Variants in CSF1R observed in about 807,000 individuals in gnomAD.
CSF1R encodes the protein colony stimulating factor 1 receptor.
Under a neutral mutation model 110.0 loss-of-function variants are expected in CSF1R, and 40 were observed. The observed-to-expected ratio is 0.36, with a 90% confidence interval of 0.28 to 0.47. CSF1R has a LOEUF of 0.47. Among genes scored for constraint, CSF1R ranks in the 20% least tolerant of loss-of-function variants. CSF1R has a pLI of 0.99. For missense variants in CSF1R, 1,052 were observed against 1,253.0 expected, an observed-to-expected ratio of 0.84 and a Z score of 2.42; for synonymous variants, 523 against 503.4, an observed-to-expected ratio of 1.04 and a Z score of -0.52.
At chr5:150,110,213 G>A (rs1178895771) in intron 1 of CSF1R, among the ~76,000 whole-genome samples, 1 of 151,996 alleles carries the variant, frequency 6.6e-6, no homozygotes, top group Non-Finnish European at 1.5e-5. Context: ...TTTTCAAATA[G>A]CCAATTGGAA....
At chr5:150,097,251 CA>C (rs1306086961) in intron 1 of CSF1R, among the ~76,000 whole-genome samples, 1 of 120,428 alleles carries the variant, frequency 8.3e-6, no homozygotes, top group African/African-American at 3.4e-5. Context: ...CACTCAGTCT[CA>C]AAAAAAGAAA....
intron 18 of CSF1R, 104 bp from the exon 19 acceptor site, chr5:150,055,440 A>G: frequency 4.5e-6 from 4 of 897,808 alleles, no homozygotes; most frequent in Non-Finnish European, 7.2e-6. Context: ...CCACTTGACA[A>G]CACTGCAACA....
At position 150,076,953 on chromosome 5, in the gene CSF1R, A is replaced by G. The variant is rs1561933981; in HGVS notation, c.889+323T>C. On this transcript the variant is annotated intron_variant, in intron 5 of 20. Transcript: ENST00000675795. ...GTGATCATTGTCTTTTCATGTTTCCATAAAGGAATGCATGAAAGAATGAAC... is the reference window on the plus strand; with the variant it reads ...GTGATCATTGTCTTTTCATGTTTCCGTAAAGGAATGCATGAAAGAATGAAC... 26 of 383,204 alleles carry G rather than the reference A, an allele frequency of 6.8e-5. 1 individual carries two copies. The highest frequency in any genetic ancestry group is 6.0e-4 in the South Asian group (26 of 43,074). The allele number at this position is 383,204 out of a possible 1,614,324, so 23.7% of individuals were successfully genotyped here. A position where few individuals can be genotyped will look rare whatever the true frequency, so the allele number is the denominator to read the frequency against.
intron 4 of CSF1R, among the ~76,000 whole-genome samples, 193 bp from the exon 5 acceptor site, chr5:150,077,628 T>C (rs928568575): frequency 1.3e-5 from 2 of 152,072 alleles, no homozygotes; most frequent in Non-Finnish European, 2.9e-5. Context: ...TGCATGCAAG[T>C]GGCTTAGGGC....
At chr5:150,081,365 C>G (rs1438980195) in intron 1 of CSF1R, among the ~76,000 whole-genome samples, 1 of 152,176 alleles carries the variant, frequency 6.6e-6, no homozygotes, top group Non-Finnish European at 1.5e-5. Flanking sequence ...GGAATGGACT[C>G]TTTTAACCCT....
At chr5:150,066,786 C>G (rs1191150364) in intron 10 of CSF1R, among the ~76,000 whole-genome samples, 1 of 152,184 alleles carries the variant, frequency 6.6e-6, no homozygotes. Context: ...TCATTCAGTC[C>G]TTGATCACAC....
intron 1 of CSF1R, among the ~76,000 whole-genome samples, chr5:150,084,010 C>T (rs920031937): frequency 6.6e-6 from 1 of 152,066 alleles, no homozygotes; most frequent in Non-Finnish European, 1.5e-5. Context: ...TTTTTCTCGC[C>T]AGCATGTCCT....
At chr5:150,102,661 C>G (rs1284755066) in intron 1 of CSF1R, among the ~76,000 whole-genome samples, 1 of 152,064 alleles carries the variant, frequency 6.6e-6, no homozygotes, top group Non-Finnish European at 1.5e-5. Flanking sequence ...TGTATTTTTA[C>G]TAGAAGTGGG....
At chr5:150,098,620 T>TA (rs1217381483) in intron 1 of CSF1R, 1 of 152,140 alleles carries the variant, frequency 6.6e-6, no homozygotes, top group Non-Finnish European at 1.5e-5. Flanking sequence ...GCATATCTTA[T>TA]AAAGGACTTA....
At position 150,073,480 on chromosome 5, in the gene CSF1R, C is replaced by T; in HGVS notation, c.903G>A (p.Leu301=). The T allele has an allele frequency of 6.8e-6, 11 of 1,613,236 alleles. No individual in the cohort carries two copies. The highest frequency in any genetic ancestry group is 8.5e-6 in the Non-Finnish European group (10 of 1,179,394). Residue 301 remains leucine (L), a synonymous_variant, in exon 6 of 21, where the codon TTG becomes TTA. Transcript: ENST00000675795. The part of the protein sequence containing the change: ...MFFRVVESAY[L]NLSSEQNLIQ... ...TGAGGTTCTGCTCAGAGCTCAAGTTCAAGTAGGCACTCTCTGGAAAGCAGA... is the reference window on the plus strand; with the variant it reads ...TGAGGTTCTGCTCAGAGCTCAAGTTTAAGTAGGCACTCTCTGGAAAGCAGA...
chr5:150,102,328 T>C (rs1759428011), intron 1 of CSF1R, among the ~76,000 whole-genome samples: 1 of 152,208 alleles, frequency 6.6e-6, no homozygotes, highest in African/African-American at 2.4e-5. Flanking sequence ...ATTCGCAGTC[T>C]GGTAGGAAAA....
rs752687225 is a variant in CSF1R at position 150,054,168 on chromosome 5, ACTGCTG to A, written c.2814_2819del (p.Ser939_Ser940del). On this transcript the variant is annotated inframe_deletion, in exon 21 of 21. Transcript: ENST00000675795. ...CACTAGAGCTCTCCTCCTCCAGCTC[ACTGCTG>A]CTGCTGCCGCTGCCACCGCTTCTGC... 21 of 1,612,810 alleles carry A rather than the reference ACTGCTG, an allele frequency of 1.3e-5. No individual in the cohort carries two copies. The highest frequency in any genetic ancestry group is 1.8e-5 in the Non-Finnish European group (21 of 1,179,482).
Position 150,086,524 on chromosome 5 carries a change from C to A in CSF1R, c.-97G>T, listed in dbSNP as rs1239422095. On this transcript the variant is annotated 5_prime_UTR_variant, in exon 1 of 21. Coordinates refer to ENST00000675795, the MANE Select transcript of CSF1R (RefSeq NM_001288705.3). ...GCTCCGCAGGGATCGGGACACTGGACACACGTTCCTCTCCTCTGCACTGGC... is the reference window on the plus strand; with the variant it reads ...GCTCCGCAGGGATCGGGACACTGGAAACACGTTCCTCTCCTCTGCACTGGC... 4.3e-6 allele frequency: 5 copies of A among 1,164,840 alleles called. No individual in the cohort carries two copies. Among genetic ancestry groups the A allele is most frequent in the Non-Finnish European group, 6.3e-6 (5 of 795,944 alleles). 72.2% of individuals were successfully genotyped at this position (1,164,840 alleles called of 1,614,324 possible).
At chr5:150,093,801 C>T (rs1042870862) in intron 1 of CSF1R, among the ~76,000 whole-genome samples, 14 of 152,214 alleles carry the variant, frequency 9.2e-5, no homozygotes, top group African/African-American at 1.9e-4. Flanking sequence ...CAGTGGCTCA[C>T]GCCTGTAATC....
intron 1 of CSF1R, among the ~76,000 whole-genome samples, chr5:150,092,998 T>G (rs913836933): frequency 1.3e-5 from 2 of 152,110 alleles, no homozygotes; most frequent in Non-Finnish European, 2.9e-5. Flanking sequence ...AAATTGCCAA[T>G]AAGGGGGAAC....
chr5:150,053,452 G>GAACACCCCCAA lies in CSF1R; in HGVS notation c.*606_*616dup. ...TAGCCCAGAATGACGGGACTGGGCA[G>GAACACCCCCAA]AACACCCCCAACTTTTAGCTGCCAC... On this transcript the variant is annotated 3_prime_UTR_variant, in exon 21 of 21. Coordinates refer to ENST00000675795, the MANE Select transcript of CSF1R (RefSeq NM_001288705.3). 1 of 235,818 alleles carries GAACACCCCCAA rather than the reference G, an allele frequency of 4.2e-6. No homozygotes were observed. Among genetic ancestry groups the GAACACCCCCAA allele is most frequent in the Non-Finnish European group, 8.4e-6 (1 of 119,320 alleles). The allele number at this position is 235,818 out of a possible 1,614,324, so 14.6% of individuals were successfully genotyped here. A position where few individuals can be genotyped will look rare whatever the true frequency, so the allele number is the denominator to read the frequency against.
rs1333415614 is a variant in CSF1R, at chr5:150,061,732, G to C, written c.1744C>G (p.Leu582Val). 6.2e-7 allele frequency: 1 copy of C among 1,614,230 alleles called. No homozygotes were observed. Among genetic ancestry groups the C allele is most frequent in the Admixed American group, 1.7e-5 (1 of 60,032 alleles). ...TGAGCTGCCATCTCACCAAACTGCA[G>C]GTTGTTCCGGGGGAACTCCCACTTC... ...NEKWEFPRNN[L>V]QFGKTLGAGA... Residue 582 changes from leucine (L) to valine (V), a missense_variant, in exon 11 of 21, where the codon CTG becomes GTG. Around this residue, in one of 5 missense-constraint regions of CSF1R, gnomAD observed 76 missense variants for 133.6 expected, o/e 0.57. Transcript: ENST00000675795.
At position 150,074,842 on chromosome 5, in the gene CSF1R, TAC is replaced by T. The variant is rs5872157; in HGVS notation, c.890-1351_890-1350del. Reference sequence around the variant, plus strand: ...TCCAGCCACCTCCCCTCTTCCTTCCTACACACACACACTCAACGCTCCACCCA... The same window carrying T: ...TCCAGCCACCTCCCCTCTTCCTTCCTACACACACACTCAACGCTCCACCCA... On this transcript the variant is annotated intron_variant, in intron 5 of 20. Transcript: ENST00000675795. 4.6e-5 allele frequency among the ~76,000 whole-genome samples: 7 copies of T among 151,902 alleles called. No homozygotes were observed. In the East Asian group the frequency reaches 1.2e-3, roughly 25 times the overall value.
chr5:150,090,871 G>T (rs1759016331), upstream of CSF1R, among the ~76,000 whole-genome samples: 1 of 152,100 alleles, frequency 6.6e-6, no homozygotes, highest in Non-Finnish European at 1.5e-5. Context: ...ATTACCTATT[G>T]GGTACAGTGT....
Sources: gnomAD v4.1 joint callset for allele counts (sites outside exome capture counted in the v4.1 genomes callset) on GRCh38, gnomAD v4.1.1 for gene constraint, gnomAD v4.1.1 regional missense constraint, MANE v1.5 for transcripts, NCBI Gene and HGNC (gene_info 2026-07-23, HGNC 2026-07-21) for gene names.